Variants in CFAP54 observed in about 807,000 individuals in gnomAD.
CFAP54 encodes cilia- and flagella-associated protein 54.
Under a neutral mutation model 370.4 loss-of-function variants are expected in CFAP54, and 290 were observed. The observed-to-expected ratio is 0.78, with a 90% CI of 0.71 to 0.86. CFAP54 has a LOEUF of 0.86. CFAP54 is among the 40% of genes least tolerant of loss of function. CFAP54 has a pLI of 0.00. For missense variants in CFAP54, 3,399 were observed against 3,528.7 expected (o/e 0.96, Z 0.93); for synonymous variants, 1,206 against 1,236.5 (o/e 0.98, Z 0.52).
intron 36 of CFAP54, 56 bp from the exon 37 acceptor site, chr12:96,657,826 A>G (rs1956939289): frequency 8.2e-7 from 1 of 1,225,840 alleles, no homozygotes; most frequent in Admixed American, 2.4e-5. Context: ...TTTTCAGAAA[A>G]AATATGCAGT....
chr12:96,829,020 A>T lies in CFAP54; in HGVS notation c.9103A>T (p.Ile3035Phe). The stretch of plus-strand genomic sequence containing the variant: ...ACTATCTTCTTATTTCTAGGACATG[A>T]TTATTCAATGTTGCTCTGAAATAGC... ...ESVDNEMEDM[I>F]IQCCSEIASL... The change falls in exon 66 of 68, where the codon ATT (isoleucine) becomes TTT (phenylalanine). Residue 3035 changes from isoleucine (I) to phenylalanine (F), a missense_variant. Coordinates refer to ENST00000524981, the MANE Select transcript of CFAP54 (RefSeq NM_001306084.2). 6.7e-7 allele frequency: 1 copy of T among 1,500,276 alleles called. No individual in the cohort carries two copies. The highest frequency in any genetic ancestry group is 9.0e-7 in the Non-Finnish European group (1 of 1,116,672). 92.9% of individuals were successfully genotyped at this position (1,500,276 alleles called of 1,614,324 possible). A position where few individuals can be genotyped will look rare whatever the true frequency, so the allele number is the denominator to read the frequency against.
At chr12:96,512,856 A>G (rs2097911197) in intron 4 of CFAP54, 130 bp from the exon 5 acceptor site, 3 of 461,972 alleles carry the variant, frequency 6.5e-6, no homozygotes, top group African/African-American at 2.0e-5. Context: ...GTATAACTCT[A>G]TATACCATTA....
intron 67 of CFAP54, among the ~76,000 whole-genome samples, chr12:96,861,764 G>T (rs899251126): frequency 7.2e-5 from 11 of 152,128 alleles, no homozygotes; most frequent in Non-Finnish European, 1.2e-4. Flanking sequence ...AATTAATAAG[G>T]TGCTTAGCAC....
chr12:96,651,372 A>G (rs1251175608), intron 35 of CFAP54, among the ~76,000 whole-genome samples: 1 of 152,184 alleles, frequency 6.6e-6, no homozygotes, highest in African/African-American at 2.4e-5. Flanking sequence ...AAATTGGGTA[A>G]AATACTAGTA....
At chr12:96,821,011 G>A (rs1592784451) in intron 65 of CFAP54, among the ~76,000 whole-genome samples, 1 of 152,144 alleles carries the variant, frequency 6.6e-6, no homozygotes, top group African/African-American at 2.4e-5. Flanking sequence ...GCAGGAGAAT[G>A]AGCATCTGTT....
chr12:96,848,201 C>T (rs571721275), intron 66 of CFAP54, among the ~76,000 whole-genome samples: 25 of 152,080 alleles, frequency 1.6e-4, no homozygotes, highest in South Asian at 6.2e-4. Flanking sequence ...CTTAGCCTCC[C>T]GAGTAGTTGG....
At chr12:96,748,452 C>T (rs766231772) in intron 55 of CFAP54, among the ~76,000 whole-genome samples, 5 of 152,090 alleles carry the variant, frequency 3.3e-5, no homozygotes, top group African/African-American at 9.7e-5. Context: ...CGTTCATCTT[C>T]AAAGCCTTCA....
chr12:96,555,152 C>T lies in CFAP54; in HGVS notation c.2410+350C>T, dbSNP rs535816500. ...GCCAATAAGACAGTCTACTTTTGAG[C>T]TTCTAGATGAGTAAGCCAACCATAT... On this transcript the variant is annotated intron_variant, in intron 17 of 67. Coordinates refer to ENST00000524981, the MANE Select transcript of CFAP54 (RefSeq NM_001306084.2). 1.4e-4 allele frequency among the ~76,000 whole-genome samples: 21 copies of T among 152,068 alleles called. 1 individual carries two copies. The South Asian group carries it at 3.9e-3, about 29-fold the overall frequency.
At chr12:96,535,285 A>G (rs1224691813) in intron 11 of CFAP54, among the ~76,000 whole-genome samples, 3 of 152,044 alleles carry the variant, frequency 2.0e-5, no homozygotes, top group Non-Finnish European at 4.4e-5. Flanking sequence ...CCTGACCTCA[A>G]GTGATCCGTC....
At chr12:96,730,899 T>C (rs1957913113) in intron 50 of CFAP54, among the ~76,000 whole-genome samples, 1 of 152,156 alleles carries the variant, frequency 6.6e-6, no homozygotes, top group Admixed American at 6.5e-5. Context: ...ATTTGGGAGA[T>C]TTATAATTTT....
chr12:96,560,259 C>T (rs2136406420), intron 17 of CFAP54, among the ~76,000 whole-genome samples: 1 of 152,284 alleles, frequency 6.6e-6, no homozygotes, highest in Middle Eastern at 3.4e-3. Context: ...ATTAACCAAT[C>T]TCTGGTTATC....
intron 26 of CFAP54, among the ~76,000 whole-genome samples, chr12:96,609,892 G>T (rs1271967791): frequency 6.6e-6 from 1 of 152,174 alleles, no homozygotes; most frequent in Non-Finnish European, 1.5e-5. Context: ...AATAAGATCT[G>T]AATATAGGAC....
intron 66 of CFAP54, among the ~76,000 whole-genome samples, chr12:96,855,150 C>T (rs751747469): frequency 3.9e-5 from 6 of 152,092 alleles, no homozygotes; most frequent in Non-Finnish European, 5.9e-5. Context: ...CTCACTATTA[C>T]GAGAACAGTA....
At chr12:96,817,657 TGA>T (rs1958992294) in intron 64 of CFAP54, 116 bp from the exon 65 acceptor site, 1 of 427,072 alleles carries the variant, frequency 2.3e-6, no homozygotes, top group Admixed American at 4.3e-5. Flanking sequence ...CCTGACCTCG[TGA>T]TCCACCCGCC....
At position 96,817,890 on chromosome 12, in the gene CFAP54, G is replaced by A. The variant is rs1252619609; in HGVS notation, c.9073G>A (p.Glu3025Lys). Residue 3025 changes from glutamate to lysine, a missense_variant, in exon 65 of 68, where the codon GAA becomes AAA. Around this residue, in one of 3 missense-constraint regions of CFAP54, gnomAD observed 2,796 missense variants for 2,869.7 expected, o/e 0.97. Coordinates refer to ENST00000524981, the MANE Select transcript of CFAP54 (RefSeq NM_001306084.2). ...ENIYEVEVEE[E>K]SVDNEMEDMI... ...CATATATGAAGTAGAAGTGGAAGAG[G>A]AATCAGTTGATAATGAAATGGAAGT... 1 of 1,490,456 alleles carries A rather than the reference G, an allele frequency of 6.7e-7. No homozygotes were observed. The highest frequency in any genetic ancestry group is 8.9e-7 in the Non-Finnish European group (1 of 1,124,370). The allele number at this position is 1,490,456 out of a possible 1,614,324, so 92.3% of individuals were successfully genotyped here. A position where few individuals can be genotyped will look rare whatever the true frequency, so the allele number is the denominator to read the frequency against.
At chr12:96,567,239 A>G (rs777038577) in intron 19 of CFAP54, among the ~76,000 whole-genome samples, 1 of 152,220 alleles carries the variant, frequency 6.6e-6, no homozygotes, top group African/African-American at 2.4e-5. Context: ...TGTGAGACAG[A>G]AGCTTAGATG....
chr12:96,727,981 C>G (rs1368668138), intron 50 of CFAP54, among the ~76,000 whole-genome samples: 1 of 151,858 alleles, frequency 6.6e-6, no homozygotes, highest in Admixed American at 6.6e-5. Context: ...AAATTCTTTT[C>G]TTTAAGAATG....
At chr12:96,844,311 G>C (rs1959274060) in intron 66 of CFAP54, among the ~76,000 whole-genome samples, 1 of 152,150 alleles carries the variant, frequency 6.6e-6, no homozygotes, top group Non-Finnish European at 1.5e-5. Context: ...ACCAGAAGAG[G>C]AGACGGCCAT....
intron 63 of CFAP54, among the ~76,000 whole-genome samples, chr12:96,808,181 G>C (rs573126868): frequency 7.9e-5 from 12 of 151,966 alleles, no homozygotes; most frequent in Non-Finnish European, 1.3e-4. Context: ...TCTCCATTTG[G>C]TCAAACTCAT....
Sources: gnomAD v4.1 joint callset for allele counts (sites outside exome capture counted in the v4.1 genomes callset) on GRCh38, gnomAD v4.1.1 for gene constraint, gnomAD v4.1.1 regional missense constraint, MANE v1.5 for transcripts, NCBI Gene and HGNC (gene_info 2026-07-23, HGNC 2026-07-21) for gene names.